B4GALT7: variants seen among roughly 807,000 people sequenced by gnomAD.
B4GALT7 encodes UDP-Gal:beta-GlcNAc beta-1,4-galactosyltransferase 7.
A neutral mutation model predicts 33.0 loss-of-function variants in B4GALT7; 30 were observed. The ratio of observed to expected loss-of-function variants is 0.91; its 90% CI spans 0.68 to 1.23. The LOEUF is 1.23. Among genes scored for constraint, B4GALT7 ranks in the 50% most tolerant of loss-of-function variants. B4GALT7 has a pLI of 0.00. For synonymous variants in B4GALT7, 213 were observed against 187.2 expected (o/e 1.14, Z -1.13); for missense variants, 507 against 450.8 (o/e 1.12, Z -1.13).
rs533567408 is a variant in B4GALT7 at position 177,600,527 on chromosome 5, C to T, written c.50+267C>T. ...CCCGGCCCGTGGGTCCGTATTTCTC[C>T]ATTGACTTCCCTTTGTGAGTTTCTG... On this transcript the variant is annotated intron_variant, in intron 1 of 5. Transcript: ENST00000029410. This position sits in a 1 kb window ranked among gnomAD's most constrained non-coding sequence, Gnocchi z 4.4. Among the ~76,000 whole-genome samples the T allele has an allele frequency of 2.4e-4, 37 of 151,606 alleles. 2 individuals carry two copies. The South Asian group carries it at 7.6e-3, about 31-fold the overall frequency.
At position 177,608,541 on chromosome 5, in the gene B4GALT7, C is replaced by T; in HGVS notation, c.642C>T (p.Cys214=). Residue 214 remains cysteine (C), a splice_region_variant and synonymous_variant, in exon 4 of 6, where the codon TGC becomes TGT. Coordinates refer to ENST00000029410, the MANE Select transcript of B4GALT7 (RefSeq NM_007255.3). This position sits in a 1 kb window ranked among gnomAD's most constrained non-coding sequence, Gnocchi z 4.1. The part of the protein sequence containing the change: ...LLLSKQHYRL[C]NGMSNRFWGW... ...GACGCTGCTTGTCTCTGTGTCAGTGCAATGGGATGTCCAACCGCTTCTGGG... is the reference window on the plus strand; with the variant it reads ...GACGCTGCTTGTCTCTGTGTCAGTGTAATGGGATGTCCAACCGCTTCTGGG... 6.2e-7 allele frequency: 1 copy of T among 1,613,128 alleles called. No individual in the cohort carries two copies. The highest frequency in any genetic ancestry group is 8.5e-7 in the Non-Finnish European group (1 of 1,179,624).
In B4GALT7 at chr5:177,606,808, C is replaced by T; in HGVS notation, c.414-494C>T. 1 of 234,706 alleles carries T rather than the reference C, an allele frequency of 4.3e-6. No individual in the cohort carries two copies. Among genetic ancestry groups the T allele is most frequent in the Admixed American group, 5.1e-5 (1 of 19,700 alleles). 14.5% of individuals were successfully genotyped at this position (234,706 alleles called of 1,614,324 possible). A position where few individuals can be genotyped will look rare whatever the true frequency, so the allele number is the denominator to read the frequency against. On this transcript the variant is annotated intron_variant, in intron 2 of 5. Coordinates refer to ENST00000029410, the MANE Select transcript of B4GALT7 (RefSeq NM_007255.3). The surrounding 1 kb of genome is among the most constrained non-coding windows in gnomAD (Gnocchi z 4.2). The stretch of plus-strand genomic sequence containing the variant: ...CCAGCTGCCCGTTGGTCTGCTCCTG[C>T]CTCCTGCCGTGGCAGTGCCATCTCT...
In B4GALT7 at chr5:177,600,216, C is replaced by G; in HGVS notation, c.6C>G (p.Phe2Leu). 1 of 1,390,884 alleles carries G rather than the reference C, an allele frequency of 7.2e-7. No individual in the cohort carries two copies. The highest frequency in any genetic ancestry group is 9.4e-7 in the Non-Finnish European group (1 of 1,065,880). 86.2% of individuals were successfully genotyped at this position (1,390,884 alleles called of 1,614,324 possible). Residue 2 changes from phenylalanine to leucine, a missense_variant, in exon 1 of 6, where the codon TTC becomes TTG. Coordinates refer to ENST00000029410, the MANE Select transcript of B4GALT7 (RefSeq NM_007255.3). This position sits in a 1 kb window ranked among gnomAD's most constrained non-coding sequence, Gnocchi z 4.4. Reference sequence around the variant, plus strand: ...CGCCGCCGCCTCTCCGCACGATGTTCCCCTCGCGGAGGAAAGCGGCGCAGC... The same window carrying G: ...CGCCGCCGCCTCTCCGCACGATGTTGCCCTCGCGGAGGAAAGCGGCGCAGC... M[F>L]PSRRKAAQLP...
chr5:177,608,665 T>G lies in B4GALT7; in HGVS notation c.723+43T>G. ...CCGCCGCCACCTCAGCTGCGGTGGC[T>G]GCCCTGAGATTTTCTTCTGTTTCCT... is the stretch of plus-strand genomic sequence containing the variant. On this transcript the variant is annotated intron_variant, in intron 4 of 5. Coordinates refer to ENST00000029410, the MANE Select transcript of B4GALT7 (RefSeq NM_007255.3). This position sits in a 1 kb window ranked among gnomAD's most constrained non-coding sequence, Gnocchi z 4.1. The G allele has an allele frequency of 6.5e-7, 1 of 1,544,468 alleles. No homozygotes were observed. The highest frequency in any genetic ancestry group is 8.9e-7 in the Non-Finnish European group (1 of 1,120,236).
chr5:177,608,676 TTTC>T lies in B4GALT7; in HGVS notation c.723+59_723+61del. 2.0e-6 allele frequency: 3 copies of T among 1,526,290 alleles called. No homozygotes were observed. The highest frequency in any genetic ancestry group is 2.2e-5 in the South Asian group (2 of 88,978). The allele number at this position is 1,526,290 out of a possible 1,614,324, so 94.5% of individuals were successfully genotyped here. A position where few individuals can be genotyped will look rare whatever the true frequency, so the allele number is the denominator to read the frequency against. ...TCAGCTGCGGTGGCTGCCCTGAGAT[TTTC>T]TTCTGTTTCCTCAGATGAAGCTCCT... On this transcript the variant is annotated intron_variant, in intron 4 of 5. Transcript: ENST00000029410. This position sits in a 1 kb window ranked among gnomAD's most constrained non-coding sequence, Gnocchi z 4.1.
At chr5:177,603,679 G>A (rs1767899856) in intron 1 of B4GALT7, among the ~76,000 whole-genome samples, 1 of 152,180 alleles carries the variant, frequency 6.6e-6, no homozygotes, top group Non-Finnish European at 1.5e-5. Flanking sequence ...TGTCTGGGTG[G>A]CCTTTCTGGT....
intron 5 of B4GALT7, 124 bp downstream of exon 5, chr5:177,609,138 TCGA>T: frequency 1.1e-6 from 1 of 897,026 alleles, no homozygotes; most frequent in Non-Finnish European, 1.7e-6. Flanking sequence ...CCCAGGTCAG[TCGA>T]CGGGCATTCT....
intron 3 of B4GALT7, 47 bp downstream of exon 3, chr5:177,607,574 A>G (rs374968438): frequency 1.3e-6 from 2 of 1,558,284 alleles, no homozygotes; most frequent in South Asian, 1.1e-5. Flanking sequence ...AGCTCCCTCC[A>G]GGCTGCGGGT....
intron 5 of B4GALT7, 129 bp downstream of exon 5, chr5:177,609,143 G>A (rs968881629): frequency 9.2e-6 from 8 of 873,932 alleles, no homozygotes; most frequent in Admixed American, 4.1e-5. Context: ...GTCAGTCGAC[G>A]GGCATTCTGC....
In B4GALT7 at chr5:177,610,018, A is replaced by T; in HGVS notation, c.*323A>T. 2.4e-6 allele frequency: 1 copy of T among 415,036 alleles called. No homozygotes were observed. Among genetic ancestry groups the T allele is most frequent in the South Asian group, 2.2e-5 (1 of 45,334 alleles). The allele number at this position is 415,036 out of a possible 1,614,324, so 25.7% of individuals were successfully genotyped here. A position where few individuals can be genotyped will look rare whatever the true frequency, so the allele number is the denominator to read the frequency against. On this transcript the variant is annotated 3_prime_UTR_variant, in exon 6 of 6. Transcript: ENST00000029410. ...CTGTGGGTAGTGGGGAGGGCTGAAC[A>T]GGACAACCTCTCATCACCCCCACTT...
intron 1 of B4GALT7, among the ~76,000 whole-genome samples, chr5:177,602,248 G>A (rs180737492): frequency 6.6e-6 from 1 of 152,200 alleles, no homozygotes; most frequent in East Asian, 1.9e-4. Context: ...GCTGCGTGTG[G>A]AACCTGGGCC....
Position 177,607,396 on chromosome 5 carries a change from A to T in B4GALT7, c.508A>T (p.Asn170Tyr). ...GCACGACGTTGACCTGCTCCCTCTC[A>T]ACGAGGAGCTGGACTATGGCTTTCC... The part of the protein sequence containing the change: ...AMHDVDLLPL[N>Y]EELDYGFPEA... Residue 170 changes from asparagine (N) to tyrosine (Y), a missense_variant, in exon 3 of 6, where the codon AAC becomes TAC. Coordinates refer to ENST00000029410, the MANE Select transcript of B4GALT7 (RefSeq NM_007255.3). 6.2e-7 allele frequency: 1 copy of T among 1,614,064 alleles called. No individual in the cohort carries two copies. The highest frequency in any genetic ancestry group is 2.2e-5 in the East Asian group (1 of 44,874).
In B4GALT7 at chr5:177,608,614, G is replaced by A. The variant is rs1183410452; in HGVS notation, c.715G>A (p.Gly239Arg). 6.2e-7 allele frequency: 1 copy of A among 1,613,678 alleles called. No homozygotes were observed. The highest frequency in any genetic ancestry group is 2.2e-5 in the East Asian group (1 of 44,868). ...GTTCTACCGGCGCATTAAGGGAGCT[G>A]GGCTCCAGGTGAGATTCCCCGGGCC... ...DEFYRRIKGA[G>R]LQLFRPSGIT... The change falls in exon 4 of 6, where the codon GGG becomes AGG. Residue 239 changes from glycine to arginine, a missense_variant. By Grantham distance (125) the Gly-to-Arg change is moderately radical. Transcript: ENST00000029410. This position sits in a 1 kb window ranked among gnomAD's most constrained non-coding sequence, Gnocchi z 4.1.
At chr5:177,601,468 G>C (rs1178205850) in intron 1 of B4GALT7, 1 of 152,246 alleles carries the variant, frequency 6.6e-6, no homozygotes, top group Admixed American at 6.5e-5. Context: ...TTCAAACCTC[G>C]TAGTACGAAG....
rs71585644 is a variant in B4GALT7, at chr5:177,608,487, G to GCCC, written c.640-43_640-41dup. 52 of 1,323,438 alleles carry GCCC rather than the reference G, an allele frequency of 3.9e-5. No individual in the cohort carries two copies. Among genetic ancestry groups the GCCC allele is most frequent in the African/African-American group, 2.6e-4 (17 of 64,376 alleles). 82.0% of individuals were successfully genotyped at this position (1,323,438 alleles called of 1,614,324 possible). A position where few individuals can be genotyped will look rare whatever the true frequency, so the allele number is the denominator to read the frequency against. On this transcript the variant is annotated intron_variant, in intron 3 of 5. Coordinates refer to ENST00000029410, the MANE Select transcript of B4GALT7 (RefSeq NM_007255.3). The surrounding 1 kb of genome is among the most constrained non-coding windows in gnomAD (Gnocchi z 4.1). Reference sequence around the variant, plus strand: ...ACTCCCGAGCGGTAGGAGACCAAAGGCCCCCCCCCCCGGGAAGATGGGCCG... The same window carrying GCCC: ...ACTCCCGAGCGGTAGGAGACCAAAGGCCCCCCCCCCCCCCGGGAAGATGGGCCG...
chr5:177,609,640 TCAA>T lies in B4GALT7; in HGVS notation c.932_934del (p.Asn311del). Reference sequence around the variant, plus strand: ...GTGGGCGGGGCCCCCTGCACTGTCCTCAACATCATGTTGGACTGTGACAAGACC... The same window carrying T: ...GTGGGCGGGGCCCCCTGCACTGTCCTCATCATGTTGGACTGTGACAAGACC... On this transcript the variant is annotated inframe_deletion, in exon 6 of 6. Transcript: ENST00000029410. 6.2e-7 allele frequency: 1 copy of T among 1,613,890 alleles called. No individual in the cohort carries two copies. Among genetic ancestry groups the T allele is most frequent in the African/African-American group, 1.3e-5 (1 of 75,046 alleles).
chr5:177,606,844 G>A lies in B4GALT7; in HGVS notation c.414-458G>A. 3.2e-6 allele frequency: 1 copy of A among 314,502 alleles called. No individual in the cohort carries two copies. Among genetic ancestry groups the A allele is most frequent in the Non-Finnish European group, 6.3e-6 (1 of 158,754 alleles). The allele number at this position is 314,502 out of a possible 1,614,324, so 19.5% of individuals were successfully genotyped here. A position where few individuals can be genotyped will look rare whatever the true frequency, so the allele number is the denominator to read the frequency against. ...GGCAGTGCCATCTCTCCTATGCAGA[G>A]CCCTAGGCACCCACTGCCCTGTGGG... On this transcript the variant is annotated intron_variant, in intron 2 of 5. Transcript: ENST00000029410. The surrounding 1 kb of genome is among the most constrained non-coding windows in gnomAD (Gnocchi z 4.2).
chr5:177,604,040 A>G, intron 1 of B4GALT7, 139 bp from the exon 2 acceptor site: 1 of 1,250,966 alleles, frequency 8.0e-7, no homozygotes, highest in East Asian at 2.4e-5. Flanking sequence ...CAGAAACATT[A>G]AAGTTGCTTC....
In B4GALT7 at chr5:177,600,377, G is replaced by A. The variant is rs2127509731; in HGVS notation, c.50+117G>A. 2 of 870,782 alleles carry A rather than the reference G, an allele frequency of 2.3e-6. No individual in the cohort carries two copies. The highest frequency in any genetic ancestry group is 4.7e-5 in the South Asian group (1 of 21,448). 53.9% of individuals were successfully genotyped at this position (870,782 alleles called of 1,614,324 possible). On this transcript the variant is annotated intron_variant, in intron 1 of 5. Coordinates refer to ENST00000029410, the MANE Select transcript of B4GALT7 (RefSeq NM_007255.3). The surrounding 1 kb of genome is among the most constrained non-coding windows in gnomAD (Gnocchi z 4.4). ...TCTCCATGTCTGCGGGTTTCTGTGA[G>A]GGCGTGTGGTTCTCCCTGTGGGTCC...
Sources: allele counts gnomAD v4.1 joint callset (sites outside exome capture counted in the v4.1 genomes callset), GRCh38; gene constraint gnomAD v4.1.1; non-coding constraint Gnocchi (gnomAD v3.1); transcripts MANE v1.5; gene names NCBI Gene and HGNC (gene_info 2026-07-23, HGNC 2026-07-21).